The following NLGN1 variants were observed in gnomAD, a reference collection of about 807,000 sequenced individuals.
NLGN1 encodes neuroligin 1.
A neutral mutation model predicts 65.5 loss-of-function variants in NLGN1; 12 were observed. The observed-to-expected ratio is 0.18, with a 90% CI of 0.12 to 0.30. The LOEUF (loss-of-function observed/expected upper bound fraction) is 0.30. NLGN1 is among the 10% of genes least tolerant of loss of function. NLGN1 has a pLI of 1.00. For missense variants in NLGN1, 750 were observed against 1,007.1 expected (o/e 0.74, Z 3.46); for synonymous variants, 350 against 359.5 (o/e 0.97, Z 0.30).
At chr3:173,418,801 C>T (rs992876023) in intron 1 of NLGN1, among the ~76,000 whole-genome samples, 1 of 151,956 alleles carries the variant, frequency 6.6e-6, no homozygotes, top group Non-Finnish European at 1.5e-5. Context: ...AGCTTTATGT[C>T]TTGAGTTTTT....
At chr3:174,002,380 G>A (rs1445488526) in intron 4 of NLGN1, among the ~76,000 whole-genome samples, 6 of 152,042 alleles carry the variant, frequency 3.9e-5, no homozygotes, top group East Asian at 1.9e-4. Context: ...CACCCTCCTC[G>A]GCCTCCCAAA....
chr3:174,003,973 T>C, intron 4 of NLGN1, among the ~76,000 whole-genome samples: 1 of 152,194 alleles, frequency 6.6e-6, no homozygotes, highest in East Asian at 1.9e-4. Context: ...TCACAGAATC[T>C]TAATGCTGGA....
rs75467271 is a variant in NLGN1, at chr3:174,170,587, G to A, written c.647-104728G>A. Among the ~76,000 whole-genome samples, 519 of 152,288 alleles carry A rather than the reference G, an allele frequency of 3.4e-3. 2 individuals carry two copies. The highest frequency in any genetic ancestry group is 0.012 in the African/African-American group (496 of 41,562). Reference sequence around the variant, plus strand: ...ATGGGTATGGATGAGTAGAAAAACTGACTATACCTTTCAGCTCTGTATTGA... The same window carrying A: ...ATGGGTATGGATGAGTAGAAAAACTAACTATACCTTTCAGCTCTGTATTGA... On this transcript the variant is annotated intron_variant, in intron 4 of 6. Coordinates refer to ENST00000457714, the Ensembl canonical transcript of NLGN1.
intron 4 of NLGN1, among the ~76,000 whole-genome samples, chr3:174,021,150 T>C (rs1231101568): frequency 2.6e-5 from 4 of 151,828 alleles, no homozygotes; most frequent in Non-Finnish European, 5.9e-5. Flanking sequence ...GTGGTAAAGA[T>C]AAGAAACTTA....
At chr3:174,022,820 A>T (rs1728026905) in intron 4 of NLGN1, among the ~76,000 whole-genome samples, 1 of 152,052 alleles carries the variant, frequency 6.6e-6, no homozygotes. Context: ...TGTCCTTCCA[A>T]ACCTTGCAGG....
At chr3:173,836,743 C>T (rs1234649734) in intron 4 of NLGN1, among the ~76,000 whole-genome samples, 1 of 152,146 alleles carries the variant, frequency 6.6e-6, no homozygotes. Context: ...CATCACCATC[C>T]ATGTGGCATA....
At chr3:173,491,227 G>A (rs1305047873) in intron 2 of NLGN1, among the ~76,000 whole-genome samples, 2 of 151,790 alleles carry the variant, frequency 1.3e-5, no homozygotes, top group Admixed American at 6.6e-5. Context: ...TATTGGCTGT[G>A]GGTTTGTCAT....
intron 3 of NLGN1, among the ~76,000 whole-genome samples, chr3:173,801,253 A>G (rs1275001850): frequency 6.6e-6 from 1 of 151,990 alleles, no homozygotes; most frequent in Non-Finnish European, 1.5e-5. Flanking sequence ...GACATTTCTG[A>G]TTTCACTGTA....
intron 4 of NLGN1, among the ~76,000 whole-genome samples, chr3:173,994,362 G>A (rs563407744): frequency 6.6e-6 from 1 of 151,436 alleles, no homozygotes; most frequent in Non-Finnish European, 1.5e-5. Flanking sequence ...CTCAAAGTGC[G>A]GGGATAACAG....
At chr3:173,990,742 C>T (rs192628067) in intron 4 of NLGN1, among the ~76,000 whole-genome samples, 191 of 151,752 alleles carry the variant, frequency 1.3e-3, no homozygotes, top group African/African-American at 4.5e-3. Flanking sequence ...AATGTGCATG[C>T]GTAGTTATGA....
At chr3:174,067,957 TCTC>T (rs906471274) in intron 4 of NLGN1, among the ~76,000 whole-genome samples, 17 of 152,278 alleles carry the variant, frequency 1.1e-4, no homozygotes, top group African/African-American at 4.1e-4. Flanking sequence ...TAATATAGGA[TCTC>T]CTCTCAACAG....
chr3:173,675,906 CA>C (rs1167814681), intron 3 of NLGN1, among the ~76,000 whole-genome samples: 2 of 151,586 alleles, frequency 1.3e-5, no homozygotes, highest in African/African-American at 4.9e-5. Context: ...CACACACACA[CA>C]CACACACACA....
At chr3:173,551,736 TTC>T (rs1740896575) in intron 2 of NLGN1, among the ~76,000 whole-genome samples, 1 of 152,178 alleles carries the variant, frequency 6.6e-6, no homozygotes, top group Non-Finnish European at 1.5e-5. Flanking sequence ...CGGCTCCATA[TTC>T]CAGGTTACCC....
intron 2 of NLGN1, among the ~76,000 whole-genome samples, chr3:173,445,151 C>T (rs1577496089): frequency 6.7e-6 from 1 of 150,050 alleles, no homozygotes; most frequent in African/African-American, 2.4e-5. Flanking sequence ...GCCTGTAGTC[C>T]CAGCTACTTG....
At position 173,818,911 on chromosome 3, in the gene NLGN1, T is replaced by TTTTTTTTTTTTC. The variant is rs57821486; in HGVS notation, c.646+11079_646+11080insTTTTTTTTTTTC. Among the ~76,000 whole-genome samples the TTTTTTTTTTTTC allele has an allele frequency of 1.1e-4, 16 of 148,172 alleles. No homozygotes were observed. The South Asian group carries it at 2.8e-3, about 26-fold the overall frequency. ...TGAATAGTTCTTTTTTTTTTTTTTT[T>TTTTTTTTTTTTC]CCAGTAAGGAACTAAGGGAGTACTC... On this transcript the variant is annotated intron_variant, in intron 4 of 6. Transcript: ENST00000457714.
At chr3:173,467,644 T>G (rs1371875742) in intron 2 of NLGN1, among the ~76,000 whole-genome samples, 1 of 152,162 alleles carries the variant, frequency 6.6e-6, no homozygotes, top group Non-Finnish European at 1.5e-5. Context: ...GTCATCATCA[T>G]GTTTATAAGT....
At chr3:174,181,193 T>C (rs942972956) in intron 4 of NLGN1, among the ~76,000 whole-genome samples, 4 of 152,162 alleles carry the variant, frequency 2.6e-5, no homozygotes, top group East Asian at 1.9e-4. Flanking sequence ...CATGGAATAA[T>C]ATAAATTCAT....
chr3:173,733,434 A>G (rs1187075886), intron 3 of NLGN1, among the ~76,000 whole-genome samples: 1 of 152,072 alleles, frequency 6.6e-6, no homozygotes, highest in East Asian at 1.9e-4. Context: ...CCTTTTCTCT[A>G]ATCATTGTTC....
At chr3:173,459,660 G>A (rs1056437651) in intron 2 of NLGN1, among the ~76,000 whole-genome samples, 9 of 152,024 alleles carry the variant, frequency 5.9e-5, no homozygotes, top group African/African-American at 2.2e-4. Context: ...GGAAATTAAT[G>A]TCTAGTTAAA....
Sources: gnomAD v4.1 joint callset for allele counts (sites outside exome capture counted in the v4.1 genomes callset) on GRCh38, gnomAD v4.1.1 for gene constraint, MANE v1.5 for transcripts, NCBI Gene and HGNC (gene_info 2026-07-23, HGNC 2026-07-21) for gene names.